Variants in DOCK2 observed in about 807,000 individuals in gnomAD.
DOCK2 encodes the protein dedicator of cytokinesis protein 2.
A neutral mutation model predicts 248.9 loss-of-function variants in DOCK2; 87 were observed. The ratio of observed to expected loss-of-function variants is 0.35; its 90% confidence interval spans 0.29 to 0.42. DOCK2 has a LOEUF of 0.42. Among genes scored for constraint, DOCK2 ranks in the 10% least tolerant of loss-of-function variants. The probability of loss-of-function intolerance (pLI) is 1.00; values close to 1 mark genes in which losing one functional copy is unlikely to be tolerated. For missense variants in DOCK2, 1,747 were observed against 2,300.2 expected (o/e 0.76, Z 4.92); for synonymous variants, 805 against 821.6 (o/e 0.98, Z 0.35).
chr5:169,796,967 G>A (rs760559205), intron 25 of DOCK2, among the ~76,000 whole-genome samples: 2 of 152,226 alleles, frequency 1.3e-5, no homozygotes, highest in Non-Finnish European at 2.9e-5. Flanking sequence ...CATTCTGAGG[G>A]CAATAGGAAG....
At chr5:169,914,123 T>C (rs1011598955) in intron 27 of DOCK2, among the ~76,000 whole-genome samples, 1 of 152,184 alleles carries the variant, frequency 6.6e-6, no homozygotes, top group African/African-American at 2.4e-5. Flanking sequence ...TTTGTATAGA[T>C]ATTATACATC....
Position 169,714,090 on chromosome 5 carries a change from T to G in DOCK2, c.1722T>G (p.His574Gln). ...AYLTLPSYRH[H>Q]VENKGATLSR... ...TGACCCTTCCTTCTTATCGACACCA[T>G]GTGGAAAACAAGGGGGCCACGCTGA... Residue 574 changes from histidine to glutamine, a missense_variant, in exon 18 of 52, where the codon CAT (histidine) becomes CAG (glutamine). By Grantham distance (24) the His-to-Gln change is conservative. Coordinates refer to ENST00000520908, the MANE Select transcript of DOCK2 (RefSeq NM_004946.3). 1 of 1,613,662 alleles carries G rather than the reference T, an allele frequency of 6.2e-7. No individual in the cohort carries two copies. Among genetic ancestry groups the G allele is most frequent in the Non-Finnish European group, 8.5e-7 (1 of 1,179,750 alleles).
At chr5:169,903,311 T>TA (rs142632030) in intron 27 of DOCK2, among the ~76,000 whole-genome samples, 22,314 of 110,942 alleles carry the variant, frequency 0.2, 1,822 homozygotes, top group East Asian at 0.24. Context: ...ACAACAACAA[T>TA]AAAAAAAAAA....
At chr5:169,970,995 C>CG (rs754709616) in intron 27 of DOCK2, among the ~76,000 whole-genome samples, 1 of 151,634 alleles carries the variant, frequency 6.6e-6, no homozygotes, top group East Asian at 1.9e-4. Flanking sequence ...GGTGGGGCAG[C>CG]GGGGGGAGGA....
intron 27 of DOCK2, chr5:169,883,214 C>T (rs981284012): frequency 3.9e-6 from 6 of 1,551,656 alleles, no homozygotes; most frequent in Admixed American, 3.9e-5. Context: ...GAGTTACTTA[C>T]TTCAGCTGAC....
intron 27 of DOCK2, among the ~76,000 whole-genome samples, chr5:169,926,595 A>C (rs556661553): frequency 6.6e-6 from 1 of 152,352 alleles, no homozygotes; most frequent in South Asian, 2.1e-4. Flanking sequence ...TCACTCAGGC[A>C]GGACAGAATA....
Position 170,042,064 on chromosome 5 carries a change from C to T in DOCK2, c.3808C>T (p.Pro1270Ser), listed in dbSNP as rs1466090021. 2.5e-6 allele frequency: 4 copies of T among 1,613,682 alleles called. No individual in the cohort carries two copies. The highest frequency in any genetic ancestry group is 2.2e-5 in the East Asian group (1 of 44,844). ...SQVMQTGQQH[P>S]QTHRQLKETL... ...GGTCATGCAGACAGGCCAGCAGCACCCCCAGACACACCGGCAGCTGAAGGA... is the reference window on the plus strand; with the variant it reads ...GGTCATGCAGACAGGCCAGCAGCACTCCCAGACACACCGGCAGCTGAAGGA... Residue 1270 changes from proline to serine, a missense_variant, in exon 38 of 52, where the codon CCC becomes TCC. Physicochemically the swap from Pro to Ser is moderately conservative, Grantham distance 74. Around this residue, in one of 4 missense-constraint regions of DOCK2, gnomAD observed 858 missense variants for 1,183.5 expected, o/e 0.72. Coordinates refer to ENST00000520908, the MANE Select transcript of DOCK2 (RefSeq NM_004946.3).
chr5:169,708,054 A>G (rs1166188402), intron 14 of DOCK2, 115 bp from the exon 15 acceptor site: 7 of 974,382 alleles, frequency 7.2e-6, no homozygotes, highest in Non-Finnish European at 7.9e-6. Context: ...AGGGCTAGGG[A>G]AGGCAGGGTT....
At chr5:169,820,960 T>C (rs889734485) in intron 26 of DOCK2, among the ~76,000 whole-genome samples, 7 of 152,178 alleles carry the variant, frequency 4.6e-5, no homozygotes, top group Non-Finnish European at 5.9e-5. Context: ...GCACGAGAAC[T>C]ACGTGACGAA....
In DOCK2 at chr5:169,833,342, C is replaced by A. The variant is rs189275401; in HGVS notation, c.2704-7415C>A. ...TTAAAATAGGTACATATTTTTCCTC[C>A]CTCTTGAAAACCTCCTGAAAAAATA... On this transcript the variant is annotated intron_variant, in intron 26 of 51. Transcript: ENST00000520908. Among the ~76,000 whole-genome samples, 741 of 152,142 alleles carry A rather than the reference C, an allele frequency of 4.9e-3. 3 individuals carry two copies. The highest frequency in any genetic ancestry group is 7.8e-3 in the Non-Finnish European group (529 of 68,000).
intron 27 of DOCK2, among the ~76,000 whole-genome samples, chr5:169,929,771 GAGAA>G (rs1435724391): frequency 2.0e-5 from 3 of 150,410 alleles, no homozygotes; most frequent in African/African-American, 4.9e-5. Context: ...AAGAGAGAGA[GAGAA>G]AGAAGCTATC....
intron 22 of DOCK2, among the ~76,000 whole-genome samples, chr5:169,720,128 T>C (rs942501673): frequency 6.6e-6 from 1 of 152,210 alleles, no homozygotes; most frequent in African/African-American, 2.4e-5. Context: ...GAAAGTGAAG[T>C]GTCTGTTTCA....
chr5:169,765,068 G>GCA lies in DOCK2; in HGVS notation c.2554+3444_2554+3445insAC, dbSNP rs764611025. On this transcript the variant is annotated intron_variant, in intron 25 of 51. Transcript: ENST00000520908. ...TGATTTACCCCTCAGGGCTCTTTTA[G>GCA]CGCACACACACACACACACACACAC... 2.3e-3 allele frequency among the ~76,000 whole-genome samples: 187 copies of GCA among 79,746 alleles called. 1 individual carries two copies. The highest frequency in any genetic ancestry group is 4.6e-3 in the African/African-American group (120 of 25,962). 52.3% of individuals were successfully genotyped at this position (79,746 alleles called of 152,430 possible). A position where few individuals can be genotyped will look rare whatever the true frequency, so the allele number is the denominator to read the frequency against.
chr5:169,806,492 TG>T (rs1406521691), intron 26 of DOCK2, among the ~76,000 whole-genome samples: 1 of 151,970 alleles, frequency 6.6e-6, no homozygotes, highest in East Asian at 1.9e-4. Context: ...GAAGATGGGG[TG>T]GGTCCCCGGT....
At chr5:169,846,361 A>C (rs770448785) in intron 27 of DOCK2, among the ~76,000 whole-genome samples, 1 of 152,176 alleles carries the variant, frequency 6.6e-6, no homozygotes, top group African/African-American at 2.4e-5. Flanking sequence ...TGCGATGACC[A>C]TTCCTGATTT....
chr5:170,056,926 C>T, intron 43 of DOCK2, 158 bp downstream of exon 43: 1 of 647,316 alleles, frequency 1.5e-6, no homozygotes, highest in South Asian at 2.0e-5. Flanking sequence ...CAATCTCTTC[C>T]ATTAGGGCCT....
At chr5:169,855,275 A>G (rs1311907498) in intron 27 of DOCK2, among the ~76,000 whole-genome samples, 4 of 151,678 alleles carry the variant, frequency 2.6e-5, no homozygotes, top group Non-Finnish European at 5.9e-5. Context: ...TAATAATGCG[A>G]CTCTCCTTTT....
intron 25 of DOCK2, among the ~76,000 whole-genome samples, chr5:169,774,675 A>G (rs575317556): frequency 6.6e-6 from 1 of 152,358 alleles, no homozygotes; most frequent in South Asian, 2.1e-4. Context: ...GTGAAGGGGC[A>G]GGGTCATAGT....
At chr5:170,031,136 G>C (rs140225714) in intron 34 of DOCK2, among the ~76,000 whole-genome samples, 178 of 152,342 alleles carry the variant, frequency 1.2e-3, no homozygotes, top group African/African-American at 4.0e-3. Flanking sequence ...AAGACACACC[G>C]CTGCCTTTCT....
Sources: allele counts gnomAD v4.1 joint callset (sites outside exome capture counted in the v4.1 genomes callset), GRCh38; gene constraint gnomAD v4.1.1; regional missense constraint gnomAD v4.1.1; transcripts MANE v1.5; gene names NCBI Gene and HGNC (gene_info 2026-07-23, HGNC 2026-07-21).